Variants in FAM117A observed in about 807,000 individuals in gnomAD.
FAM117A encodes family with sequence similarity 117 member A, also known as protein FAM117A.
In FAM117A, 21 loss-of-function variants were observed where a neutral mutation model predicts 44.1. The ratio of observed to expected loss-of-function variants is 0.48; its 90% CI spans 0.34 to 0.69. The LOEUF is 0.69. FAM117A is among the 30% of genes least tolerant of loss of function. The pLI, the probability that FAM117A is intolerant of heterozygous loss-of-function variation, is 0.01. For missense variants in FAM117A, 498 were observed against 589.9 expected (o/e 0.84, Z 1.61); for synonymous variants, 220 against 238.3 (o/e 0.92, Z 0.71).
Position 49,763,898 on chromosome 17 carries a change from G to A in FAM117A, c.190C>T (p.Arg64Cys), listed in dbSNP as rs1253202318. The A allele has an allele frequency of 2.0e-6, 2 of 1,013,418 alleles. No homozygotes were observed. Among genetic ancestry groups the A allele is most frequent in the Non-Finnish European group, 2.3e-6 (2 of 856,944 alleles). 62.8% of individuals were successfully genotyped at this position (1,013,418 alleles called of 1,614,324 possible). Residue 64 changes from arginine to cysteine, a missense_variant, in exon 1 of 8, where the codon CGT becomes TGT. Arg to Cys is a radical substitution (Grantham distance 180). This residue lies in a region of FAM117A where 270 missense variants were observed against 277.4 expected (regional missense o/e 0.97). Coordinates refer to ENST00000240364, the MANE Select transcript of FAM117A (RefSeq NM_030802.4). ...CGCTCCAGGCCCGGCTCACCTGCAC[G>A]GCCACCCCCGTCCCGGCGCTGGTGC... ...QPHQRRDGGGRAASVPCSVAP... is the reference protein window; with the variant it reads ...QPHQRRDGGGCAASVPCSVAP...
Position 49,711,308 on chromosome 17 carries a change from G to C in FAM117A, c.1309C>G (p.Arg437Gly). 6.2e-7 allele frequency: 1 copy of C among 1,609,944 alleles called. No homozygotes were observed. Among genetic ancestry groups the C allele is most frequent in the Non-Finnish European group, 8.5e-7 (1 of 1,177,424 alleles). The change falls in exon 8 of 8, where the codon CGC (arginine) becomes GGC (glycine). Residue 437 changes from arginine (R) to glycine (G), a missense_variant. Around this residue, in one of 3 missense-constraint regions of FAM117A, gnomAD observed 224 missense variants for 296.5 expected, o/e 0.76. Coordinates refer to ENST00000240364, the MANE Select transcript of FAM117A (RefSeq NM_030802.4). ...ASPLPFEPWQRTPPSEEPVLF... is the reference protein window; with the variant it reads ...ASPLPFEPWQGTPPSEEPVLF... ...ACAGGCTCTTCTGATGGTGGGGTGCGCTGCCATGGCTCGAATGGCAGTGGG... is the reference window on the plus strand; with the variant it reads ...ACAGGCTCTTCTGATGGTGGGGTGCCCTGCCATGGCTCGAATGGCAGTGGG...
chr17:49,737,752 G>A (rs536512195), intron 1 of FAM117A, among the ~76,000 whole-genome samples: 1 of 152,256 alleles, frequency 6.6e-6, no homozygotes, highest in African/African-American at 2.4e-5. Context: ...AAGGGGATAG[G>A]GAAAGACTGT....
chr17:49,747,200 G>A (rs1458575493), intron 1 of FAM117A: 1 of 151,774 alleles, frequency 6.6e-6, no homozygotes, highest in African/African-American at 2.4e-5. Context: ...TCAAACAGCT[G>A]TGTTGTGGGC....
intron 1 of FAM117A, among the ~76,000 whole-genome samples, chr17:49,758,961 G>C (rs951890394): frequency 3.3e-5 from 5 of 152,186 alleles, no homozygotes; most frequent in Non-Finnish European, 7.3e-5. Flanking sequence ...GAATTCAGCA[G>C]AAAATAAAGG....
At chr17:49,764,563 T>C (rs991443991), upstream of FAM117A, among the ~76,000 whole-genome samples, 5 of 152,190 alleles carry the variant, frequency 3.3e-5, no homozygotes, top group Non-Finnish European at 7.3e-5. Context: ...TAGGGAGCAG[T>C]GTCAAACTTT....
chr17:49,745,024 A>AAC (rs2073649434), intron 1 of FAM117A, among the ~76,000 whole-genome samples: 1 of 151,208 alleles, frequency 6.6e-6, no homozygotes, highest in African/African-American at 2.4e-5. Context: ...AAAAAAAAAA[A>AAC]AAAAAAAAAC....
intron 1 of FAM117A, among the ~76,000 whole-genome samples, chr17:49,759,962 G>C (rs1202548634): frequency 6.6e-6 from 1 of 152,204 alleles, no homozygotes; most frequent in African/African-American, 2.4e-5. Flanking sequence ...TAAGCCTAAA[G>C]TAATTTCCAT....
rs567413647 is a variant in FAM117A at position 49,738,392 on chromosome 17, C to A, written c.197-5672G>T. Among the ~76,000 whole-genome samples, 4 of 152,106 alleles carry A rather than the reference C, an allele frequency of 2.6e-5. No individual in the cohort carries two copies. In the South Asian group the frequency reaches 8.3e-4, roughly 32 times the overall value. ...TTCCTCCATATACAAAAAAATGTCA[C>A]ACAAATAGCAGAAAAGAAATAAAAA... On this transcript the variant is annotated intron_variant, in intron 1 of 7. Transcript: ENST00000240364.
At chr17:49,735,760 C>T (rs570738568) in intron 1 of FAM117A, among the ~76,000 whole-genome samples, 179 of 152,214 alleles carry the variant, frequency 1.2e-3, no homozygotes, top group African/African-American at 3.7e-3. Flanking sequence ...CCACCACACC[C>T]GACCCATTCC....
intron 1 of FAM117A, among the ~76,000 whole-genome samples, chr17:49,750,027 A>G (rs908156879): frequency 3.4e-5 from 5 of 148,910 alleles, no homozygotes; most frequent in African/African-American, 1.2e-4. Context: ...TTTCCATTCC[A>G]GAGAACTCCT....
chr17:49,716,352 A>C, intron 6 of FAM117A, 37 bp from the exon 7 acceptor site: 1 of 1,491,704 alleles, frequency 6.7e-7, no homozygotes, highest in Non-Finnish European at 8.9e-7. Flanking sequence ...GTGGAGATGA[A>C]GGGAAGGCCT....
chr17:49,718,538 G>A (rs2073516306), intron 5 of FAM117A, among the ~76,000 whole-genome samples: 1 of 152,128 alleles, frequency 6.6e-6, no homozygotes, highest in Admixed American at 6.6e-5. Flanking sequence ...AGGCATTGTG[G>A]CGGGCACCTG....
intron 1 of FAM117A, among the ~76,000 whole-genome samples, chr17:49,787,464 C>G (rs2073819936): frequency 6.6e-6 from 1 of 152,224 alleles, no homozygotes; most frequent in African/African-American, 2.4e-5. Context: ...GGCTAAAGGT[C>G]TGGAACTTTA....
At chr17:49,719,488 G>A (rs2073522811) in intron 5 of FAM117A, 2 of 314,716 alleles carry the variant, frequency 6.4e-6, no homozygotes, top group East Asian at 1.2e-4. Flanking sequence ...GATGACCCCT[G>A]TCTGTTCCTC....
chr17:49,729,197 G>A (rs1318547631), intron 2 of FAM117A, among the ~76,000 whole-genome samples: 3 of 152,226 alleles, frequency 2.0e-5, no homozygotes, highest in Admixed American at 2.0e-4. Context: ...AAGCTGGCTT[G>A]CAATGGGCAG....
At chr17:49,778,797 G>T (rs1456719102) in intron 1 of FAM117A, among the ~76,000 whole-genome samples, 2 of 152,174 alleles carry the variant, frequency 1.3e-5, no homozygotes, top group Non-Finnish European at 2.9e-5. Flanking sequence ...ACAGTCTGGG[G>T]TGTGTGTTGG....
intron 1 of FAM117A, among the ~76,000 whole-genome samples, chr17:49,736,288 G>T (rs1178829130): frequency 6.8e-6 from 1 of 147,936 alleles, no homozygotes; most frequent in Non-Finnish European, 1.5e-5. Flanking sequence ...ACGGAGTCAC[G>T]CTTTGTCGCC....
At chr17:49,762,491 G>A (rs534518330) in intron 1 of FAM117A, among the ~76,000 whole-genome samples, 1 of 152,310 alleles carries the variant, frequency 6.6e-6, no homozygotes, top group African/African-American at 2.4e-5. Context: ...CATATACAGT[G>A]AAAAGTCCAG....
chr17:49,716,433 C>T (rs1393386968), intron 6 of FAM117A, 118 bp from the exon 7 acceptor site: 26 of 863,368 alleles, frequency 3.0e-5, no homozygotes, highest in Non-Finnish European at 4.1e-5. Flanking sequence ...AAGAGGGTAG[C>T]GGGTGTGCTT....
Sources: allele counts gnomAD v4.1 joint callset (sites outside exome capture counted in the v4.1 genomes callset), GRCh38; gene constraint gnomAD v4.1.1; regional missense constraint gnomAD v4.1.1; transcripts MANE v1.5; gene names NCBI Gene and HGNC (gene_info 2026-07-23, HGNC 2026-07-21).